Variants in SPAG17 observed in about 807,000 individuals in gnomAD.
SPAG17 encodes the protein sperm-associated antigen 17.
Under a neutral mutation model 273.6 loss-of-function variants are expected in SPAG17, and 169 were observed. The observed-to-expected ratio is 0.62, with a 90% CI of 0.55 to 0.70. The LOEUF is 0.70. SPAG17 is among the 30% of genes least tolerant of loss of function. The pLI is 0.00. For synonymous variants in SPAG17, 825 were observed against 873.2 expected (o/e 0.94, Z 0.97); for missense variants, 2,557 against 2,627.8 (o/e 0.97, Z 0.59).
At chr1:118,175,586 A>C (rs1308773795) in intron 1 of SPAG17, among the ~76,000 whole-genome samples, 1 of 151,946 alleles carries the variant, frequency 6.6e-6, no homozygotes, top group Non-Finnish European at 1.5e-5. Context: ...AAAAAAAAAA[A>C]AAAAAACTGC....
At chr1:118,006,965 T>C (rs1658960901) in intron 31 of SPAG17, among the ~76,000 whole-genome samples, 2 of 152,198 alleles carry the variant, frequency 1.3e-5, no homozygotes, top group South Asian at 4.1e-4. Flanking sequence ...TTTTTATTGT[T>C]GAGTTATGAG....
intron 18 of SPAG17, among the ~76,000 whole-genome samples, chr1:118,060,202 A>T (rs759800920): frequency 2.6e-5 from 4 of 150,990 alleles, no homozygotes; most frequent in Non-Finnish European, 5.9e-5. Flanking sequence ...TTTATTATAG[A>T]TTTTTGCTTT....
At chr1:118,030,463 T>G (rs1239687919) in intron 25 of SPAG17, among the ~76,000 whole-genome samples, 1 of 152,028 alleles carries the variant, frequency 6.6e-6, no homozygotes, top group African/African-American at 2.4e-5. Flanking sequence ...ATGTGCAGAA[T>G]GTGCAGGTTT....
At chr1:117,999,831 T>C (rs953132515) in intron 32 of SPAG17, among the ~76,000 whole-genome samples, 1 of 152,170 alleles carries the variant, frequency 6.6e-6, no homozygotes, top group Non-Finnish European at 1.5e-5. Flanking sequence ...AGTTTAATTA[T>C]ATCTCATTTG....
intron 30 of SPAG17, among the ~76,000 whole-genome samples, chr1:118,011,929 A>G (rs1270921906): frequency 2.0e-5 from 3 of 152,048 alleles, no homozygotes; most frequent in African/African-American, 4.8e-5. Context: ...GTCATTTTGC[A>G]ATGTATACTT....
intron 4 of SPAG17, among the ~76,000 whole-genome samples, chr1:118,109,556 A>AAATAATAATAATAAT (rs10589035): frequency 6.4e-5 from 9 of 141,284 alleles, no homozygotes; most frequent in African/African-American, 1.8e-4. Flanking sequence ...CTCTGTCTCA[A>AAATAATAATAATAAT]AATAATAATA....
At chr1:118,062,840 A>C (rs935984817) in intron 18 of SPAG17, among the ~76,000 whole-genome samples, 1 of 152,228 alleles carries the variant, frequency 6.6e-6, no homozygotes, top group Non-Finnish European at 1.5e-5. Context: ...AACTGACTAC[A>C]TATTAAACAA....
At chr1:118,064,683 A>G (rs1488971864) in intron 18 of SPAG17, among the ~76,000 whole-genome samples, 1 of 151,376 alleles carries the variant, frequency 6.6e-6, no homozygotes, top group South Asian at 2.1e-4. Context: ...ACATGTATAC[A>G]TATGTAACAA....
At chr1:118,056,514 T>A (rs7522317) in intron 18 of SPAG17, among the ~76,000 whole-genome samples, 16,227 of 152,206 alleles carry the variant, frequency 0.11, 2,366 homozygotes, top group African/African-American at 0.34. Context: ...CCAAATTCAT[T>A]CACATCACTT....
intron 30 of SPAG17, 53 bp downstream of exon 30, chr1:118,012,175 C>T (rs879362899): frequency 1.3e-6 from 2 of 1,558,138 alleles, no homozygotes; most frequent in African/African-American, 1.4e-5. Context: ...TTCTATCTAA[C>T]TTACGCTAAA....
intron 22 of SPAG17, among the ~76,000 whole-genome samples, chr1:118,039,951 A>C (rs910956438): frequency 6.6e-6 from 1 of 152,144 alleles, no homozygotes; most frequent in African/African-American, 2.4e-5. Context: ...TTTCAAACTC[A>C]ATTTCAGAAG....
At chr1:118,151,133 A>C (rs1659353653) in intron 2 of SPAG17, 96 bp downstream of exon 2, 1 of 1,101,164 alleles carries the variant, frequency 9.1e-7, no homozygotes, top group Non-Finnish European at 1.2e-6. Flanking sequence ...AATTTACAAA[A>C]CAGCCCAAGA....
intron 18 of SPAG17, among the ~76,000 whole-genome samples, chr1:118,064,319 A>C (rs1487557404): frequency 4.6e-5 from 7 of 151,906 alleles, no homozygotes; most frequent in Admixed American, 1.3e-4. Flanking sequence ...CACAATAGCA[A>C]AGACTTGGAA....
intron 1 of SPAG17, among the ~76,000 whole-genome samples, chr1:118,169,389 A>G (rs1251328374): frequency 6.6e-6 from 1 of 152,228 alleles, no homozygotes; most frequent in Non-Finnish European, 1.5e-5. Flanking sequence ...CGATGAAAGC[A>G]TATTTCAGAA....
At chr1:118,116,044 T>G (rs997973834) in intron 3 of SPAG17, among the ~76,000 whole-genome samples, 1 of 152,128 alleles carries the variant, frequency 6.6e-6, no homozygotes, top group Admixed American at 6.5e-5. Context: ...TGAGTTTTCT[T>G]TGGGTGACGA....
chr1:118,023,093 T>C (rs1453601336), intron 28 of SPAG17, among the ~76,000 whole-genome samples: 4 of 152,166 alleles, frequency 2.6e-5, no homozygotes, highest in African/African-American at 9.7e-5. Flanking sequence ...ATGAAACTGT[T>C]AATTATTTAT....
At chr1:118,124,018 T>C (rs1251973042) in intron 3 of SPAG17, among the ~76,000 whole-genome samples, 1 of 152,232 alleles carries the variant, frequency 6.6e-6, no homozygotes, top group South Asian at 2.1e-4. Context: ...CTGGAATTAC[T>C]CTTCAAAGAA....
At chr1:118,155,691 A>G (rs1039671001) in intron 1 of SPAG17, among the ~76,000 whole-genome samples, 2 of 152,236 alleles carry the variant, frequency 1.3e-5, no homozygotes, top group African/African-American at 4.8e-5. Flanking sequence ...TCAATGCAAC[A>G]TTCAAAAAGT....
intron 24 of SPAG17, chr1:118,036,552 TC>T (rs1452422105): frequency 6.8e-6 from 2 of 294,738 alleles, no homozygotes; most frequent in Non-Finnish European, 1.2e-5. Flanking sequence ...TTATTTTGTA[TC>T]TATGTATAAA....
Sources: allele counts gnomAD v4.1 joint callset (sites outside exome capture counted in the v4.1 genomes callset), GRCh38; gene constraint gnomAD v4.1.1; transcripts MANE v1.5; gene names NCBI Gene and HGNC (gene_info 2026-07-23, HGNC 2026-07-21).